The following CRTAP variants were observed in gnomAD, a reference collection of about 807,000 sequenced individuals.
The protein encoded by CRTAP is cartilage associated protein, also known as cartilage-associated protein.
Under a neutral mutation model 42.7 loss-of-function variants are expected in CRTAP, and 33 were observed. The ratio of observed to expected loss-of-function variants is 0.77; its 90% CI spans 0.59 to 1.03. CRTAP has a LOEUF of 1.03. CRTAP is among the 50% of genes least tolerant of loss of function. The pLI, the probability that CRTAP is intolerant of heterozygous loss-of-function variation, is 0.00. For synonymous variants in CRTAP, 243 were observed against 217.7 expected (o/e 1.12, Z -1.02); for missense variants, 613 against 533.9 (o/e 1.15, Z -1.46).
rs540998437 is a variant in CRTAP at position 33,114,359 on chromosome 3, C to T, written c.282C>T (p.Pro94=). The change falls in exon 1 of 7, where the codon CCC becomes CCT. Residue 94 remains proline, a synonymous_variant. Coordinates refer to ENST00000320954, the MANE Select transcript of CRTAP (RefSeq NM_006371.5). ...CHRNCSAAPQ[P]EPAAGLASYP... is the part of the protein sequence containing the mutation. ...GCAACTGCAGCGCCGCGCCGCAGCC[C>T]GAGCCCGCCGCCGGCCTCGCCAGCT... is the stretch of plus-strand genomic sequence containing the variant. 56 of 1,522,416 alleles carry T rather than the reference C, an allele frequency of 3.7e-5. 1 individual carries two copies. The highest frequency in any genetic ancestry group is 3.3e-4 in the African/African-American group (23 of 70,216). 94.3% of individuals were successfully genotyped at this position (1,522,416 alleles called of 1,614,324 possible). A position where few individuals can be genotyped will look rare whatever the true frequency, so the allele number is the denominator to read the frequency against.
chr3:33,138,693 T>C (rs1233961855), intron 6 of CRTAP, among the ~76,000 whole-genome samples: 4 of 152,206 alleles, frequency 2.6e-5, no homozygotes, highest in Non-Finnish European at 5.9e-5. Flanking sequence ...TTAAAACTTC[T>C]AGTACTATGT....
Position 33,119,918 on chromosome 3 carries a change from A to G in CRTAP, c.472-426A>G, listed in dbSNP as rs111860766. Among the ~76,000 whole-genome samples, 73 of 152,308 alleles carry G rather than the reference A, an allele frequency of 4.8e-4. 1 individual carries two copies. Among genetic ancestry groups the G allele is most frequent in the African/African-American group, 1.7e-3 (72 of 41,570 alleles). Reference sequence around the variant, plus strand: ...ACCTTGAGAAGAACTGTGATCTTCAATTAAGGGACATAGCAGCCCAAGAGG... The same window carrying G: ...ACCTTGAGAAGAACTGTGATCTTCAGTTAAGGGACATAGCAGCCCAAGAGG... On this transcript the variant is annotated intron_variant, in intron 1 of 6. Transcript: ENST00000320954.
At chr3:33,117,605 T>A (rs1346799823) in intron 1 of CRTAP, among the ~76,000 whole-genome samples, 2 of 152,232 alleles carry the variant, frequency 1.3e-5, no homozygotes, top group Non-Finnish European at 2.9e-5. Context: ...CAGAGAACAC[T>A]GACTCACAGG....
intron 6 of CRTAP, among the ~76,000 whole-genome samples, chr3:33,135,415 C>G (rs1463137421): frequency 6.6e-6 from 1 of 152,080 alleles, no homozygotes; most frequent in African/African-American, 2.4e-5. Flanking sequence ...TTGCTTGAGA[C>G]CAGGAGTTCA....
In CRTAP at chr3:33,114,556, C is replaced by A. The variant is rs1215281758; in HGVS notation, c.471+8C>A. 1.9e-6 allele frequency: 3 copies of A among 1,568,006 alleles called. No individual in the cohort carries two copies. Among genetic ancestry groups the A allele is most frequent in the African/African-American group, 2.7e-5 (2 of 74,142 alleles). ...CAGTTCGCTTACTTCAAGGCAAGTC[C>A]GCCTCGCCCCGTCCCAGGCCCCGGC... On this transcript the variant is annotated splice_region_variant and intron_variant, in intron 1 of 6. Coordinates refer to ENST00000320954, the MANE Select transcript of CRTAP (RefSeq NM_006371.5).
At chr3:33,120,598 T>C in intron 2 of CRTAP, 105 bp downstream of exon 2, 1 of 1,510,458 alleles carries the variant, frequency 6.6e-7, no homozygotes, top group Non-Finnish European at 9.0e-7. Flanking sequence ...TGATTTTTGG[T>C]GACATTTGCT....
At chr3:33,115,844 G>C (rs376215771) in intron 1 of CRTAP, among the ~76,000 whole-genome samples, 10 of 151,426 alleles carry the variant, frequency 6.6e-5, no homozygotes, top group African/African-American at 2.4e-4. Context: ...GAGGGGAAAA[G>C]CTGGGTTACT....
intron 3 of CRTAP, among the ~76,000 whole-genome samples, chr3:33,128,590 G>T (rs745546835): frequency 1.1e-4 from 16 of 152,142 alleles, no homozygotes; most frequent in Non-Finnish European, 2.1e-4. Context: ...TTTGTTGTTG[G>T]TGGTAGTAAG....
At chr3:33,125,028 T>C (rs2030019803) in intron 3 of CRTAP, among the ~76,000 whole-genome samples, 1 of 152,218 alleles carries the variant, frequency 6.6e-6, no homozygotes, top group African/African-American at 2.4e-5. Context: ...GTGCTCATTA[T>C]AGGAAGTTTG....
At position 33,143,010 on chromosome 3, in the gene CRTAP, C is replaced by G. The variant is rs1049069502; in HGVS notation, c.*562C>G. The G allele has an allele frequency of 6.5e-6, 1 of 154,190 alleles. No homozygotes were observed. Among genetic ancestry groups the G allele is most frequent in the East Asian group, 1.9e-4 (1 of 5,264 alleles). 9.6% of individuals were successfully genotyped at this position (154,190 alleles called of 1,614,324 possible). A position where few individuals can be genotyped will look rare whatever the true frequency, so the allele number is the denominator to read the frequency against. On this transcript the variant is annotated 3_prime_UTR_variant, in exon 7 of 7. Coordinates refer to ENST00000320954, the MANE Select transcript of CRTAP (RefSeq NM_006371.5). ...CTCACATCTGTTTTCACACCTTCAT[C>G]CCTGTCTTCCTCATGTTCACACTTG...
At chr3:33,140,688 T>G (rs540705195) in intron 6 of CRTAP, among the ~76,000 whole-genome samples, 1 of 152,368 alleles carries the variant, frequency 6.6e-6, no homozygotes, top group African/African-American at 2.4e-5. Context: ...TAAAACAGGC[T>G]GAAACAGATG....
intron 6 of CRTAP, 66 bp downstream of exon 6, chr3:33,134,331 A>G: frequency 9.2e-7 from 1 of 1,083,702 alleles, no homozygotes; most frequent in Non-Finnish European, 1.4e-6. Context: ...CTTTGCTAGA[A>G]TCACTGGAAG....
At chr3:33,129,598 C>T (rs1223719164) in intron 3 of CRTAP, among the ~76,000 whole-genome samples, 14 of 134,300 alleles carry the variant, frequency 1.0e-4, no homozygotes, top group Non-Finnish European at 2.1e-4. Context: ...AGTGCAGTGG[C>T]GCGATCTCGG....
chr3:33,129,590 T>G (rs953619132), intron 3 of CRTAP, among the ~76,000 whole-genome samples: 2 of 142,728 alleles, frequency 1.4e-5, no homozygotes, highest in Non-Finnish European at 3.0e-5. Context: ...CAGGCTGGAG[T>G]GCAGTGGCGC....
intron 6 of CRTAP, among the ~76,000 whole-genome samples, chr3:33,139,420 G>GT (rs1316316586): frequency 2.0e-5 from 3 of 151,790 alleles, no homozygotes; most frequent in African/African-American, 7.3e-5. Flanking sequence ...TTAGCTGGGG[G>GT]TTTTTTGTAG....
intron 2 of CRTAP, 131 bp from the exon 3 acceptor site, chr3:33,124,277 C>A: frequency 1.0e-6 from 1 of 969,960 alleles, no homozygotes; most frequent in Non-Finnish European, 1.6e-6. Flanking sequence ...TTGACTTCTT[C>A]AAGGGCCAGT....
In CRTAP at chr3:33,137,114, T is replaced by C. The variant is rs187408092; in HGVS notation, c.1152+2849T>C. ...GCTAGTGGATGCAAGTAGTATTTCA[T>C]TGTGGTTCTGACTTCCACTTTCTGT... is the stretch of plus-strand genomic sequence containing the variant. On this transcript the variant is annotated intron_variant, in intron 6 of 6. Coordinates refer to ENST00000320954, the MANE Select transcript of CRTAP (RefSeq NM_006371.5). Among the ~76,000 whole-genome samples, 27 of 152,258 alleles carry C rather than the reference T, an allele frequency of 1.8e-4. No individual in the cohort carries two copies. The East Asian group carries it at 4.1e-3, about 23-fold the overall frequency.
chr3:33,135,349 C>T (rs576382079), intron 6 of CRTAP, among the ~76,000 whole-genome samples: 48 of 152,270 alleles, frequency 3.2e-4, no homozygotes, highest in Non-Finnish European at 4.3e-4. Flanking sequence ...ATAGCAGAGG[C>T]TGGGTGTAGT....
chr3:33,114,557 G>C lies in CRTAP; in HGVS notation c.471+9G>C. 19 of 1,567,458 alleles carry C rather than the reference G, an allele frequency of 1.2e-5. No individual in the cohort carries two copies. Among genetic ancestry groups the C allele is most frequent in the Non-Finnish European group, 1.6e-5 (19 of 1,157,102 alleles). The stretch of plus-strand genomic sequence containing the variant: ...AGTTCGCTTACTTCAAGGCAAGTCC[G>C]CCTCGCCCCGTCCCAGGCCCCGGCC... On this transcript the variant is annotated intron_variant, in intron 1 of 6. Transcript: ENST00000320954.
Sources: gnomAD v4.1 joint callset for allele counts (sites outside exome capture counted in the v4.1 genomes callset) on GRCh38, gnomAD v4.1.1 for gene constraint, MANE v1.5 for transcripts, NCBI Gene and HGNC (gene_info 2026-07-23, HGNC 2026-07-21) for gene names.